Variants in ZNRF3 observed in about 807,000 individuals in gnomAD.
The protein encoded by ZNRF3 is E3 ubiquitin-protein ligase ZNRF3.
In ZNRF3, 23 loss-of-function variants were observed where a neutral mutation model predicts 72.5. The ratio of observed to expected loss-of-function variants is 0.32; its 90% confidence interval spans 0.23 to 0.45. The LOEUF (loss-of-function observed/expected upper bound fraction) is 0.45. ZNRF3 is among the 20% of genes least tolerant of loss of function. The probability of loss-of-function intolerance (pLI) is 1.00; values close to 1 mark genes in which losing one functional copy is unlikely to be tolerated. For missense variants in ZNRF3, 1,169 were observed against 1,272.1 expected (o/e 0.92, Z 1.23); for synonymous variants, 610 against 545.3 (o/e 1.12, Z -1.65).
intron 1 of ZNRF3, chr22:28,917,341 C>T: frequency 3.7e-6 from 3 of 808,962 alleles, no homozygotes; most frequent in Non-Finnish European, 4.5e-6. Flanking sequence ...GAAGCCCATT[C>T]TGATCTAACT....
chr22:28,952,499 T>TG (rs1555973243), intron 1 of ZNRF3, among the ~76,000 whole-genome samples: 3 of 151,694 alleles, frequency 2.0e-5, no homozygotes, highest in African/African-American at 4.8e-5. Context: ...TTCCATGTTT[T>TG]TTTTTTTTTT....
At chr22:29,015,449 C>T (rs1305858422) in intron 2 of ZNRF3, among the ~76,000 whole-genome samples, 1 of 152,132 alleles carries the variant, frequency 6.6e-6, no homozygotes, top group Non-Finnish European at 1.5e-5. Flanking sequence ...GTGGGCAGAT[C>T]ACCTGAGGTC....
At position 29,050,553 on chromosome 22, in the gene ZNRF3, G is replaced by T. The variant is rs770423165; in HGVS notation, c.2372G>T (p.Gly791Val). The change falls in exon 8 of 9, where the codon GGC becomes GTC. Residue 791 changes from glycine (G) to valine (V), a missense_variant. Physicochemically the swap from Gly to Val is moderately radical, Grantham distance 109 (BLOSUM62 -3). Around this residue, in one of 2 missense-constraint regions of ZNRF3, gnomAD observed 783 missense variants for 731.4 expected, o/e 1.07. Coordinates refer to ENST00000544604, the MANE Select transcript of ZNRF3 (RefSeq NM_001206998.2). The part of the protein sequence containing the change: ...FYEEKQVARG[G>V]GGGSGCYTED... The stretch of plus-strand genomic sequence containing the variant: ...GAAGAGAAGCAGGTGGCCCGCGGGG[G>T]CGGAGGGGGCAGCGGCTGCTACACT... 2 of 1,610,238 alleles carry T rather than the reference G, an allele frequency of 1.2e-6. No individual in the cohort carries two copies. Among genetic ancestry groups the T allele is most frequent in the East Asian group, 2.2e-5 (1 of 44,714 alleles).
At chr22:28,955,032 G>GTTTTTTTTTTTTTTTTTTTTTTT (rs372334361) in intron 1 of ZNRF3, among the ~76,000 whole-genome samples, 3 of 137,168 alleles carry the variant, frequency 2.2e-5, no homozygotes, top group Non-Finnish European at 3.1e-5. Flanking sequence ...TATTTTTGGT[G>GTTTTTTTTTTTTTTTTTTTTTTT]TTTTTTTTTT....
intron 2 of ZNRF3, among the ~76,000 whole-genome samples, chr22:28,991,417 A>G (rs1383781442): frequency 6.6e-6 from 1 of 151,716 alleles, no homozygotes; most frequent in Admixed American, 6.6e-5. Flanking sequence ...CATGTCACAG[A>G]GACCCAGCCT....
At chr22:28,896,301 A>AT (rs1362816434) in intron 1 of ZNRF3, among the ~76,000 whole-genome samples, 1 of 151,104 alleles carries the variant, frequency 6.6e-6, no homozygotes, top group Admixed American at 6.6e-5. Flanking sequence ...CGCCTGGCTA[A>AT]TTTTTGTATT....
chr22:29,045,382 A>G (rs1030052094), intron 5 of ZNRF3, among the ~76,000 whole-genome samples: 5 of 146,524 alleles, frequency 3.4e-5, no homozygotes, highest in East Asian at 2.1e-4. Flanking sequence ...AAAAAAAAAA[A>G]GATCAAAACT....
chr22:28,925,918 T>C (rs1477979204), intron 1 of ZNRF3, among the ~76,000 whole-genome samples: 7 of 152,108 alleles, frequency 4.6e-5, no homozygotes, highest in Admixed American at 2.0e-4. Context: ...TAGATCCAGG[T>C]CTCCCCTTCT....
At chr22:28,974,212 C>T (rs1375811700) in intron 1 of ZNRF3, among the ~76,000 whole-genome samples, 6 of 152,068 alleles carry the variant, frequency 3.9e-5, no homozygotes, top group South Asian at 4.1e-4. Flanking sequence ...CCGCCTGCCT[C>T]GGACTCCCAA....
chr22:29,030,661 C>T lies in ZNRF3; in HGVS notation c.427-11834C>T, dbSNP rs2036729199. ...GGCACTTTCCCGGGTCGGAGAAGGCCGGATGGCAGCCCGCCCCGAAAGTCC... is the reference window on the plus strand; with the variant it reads ...GGCACTTTCCCGGGTCGGAGAAGGCTGGATGGCAGCCCGCCCCGAAAGTCC... On this transcript the variant is annotated intron_variant, in intron 2 of 8. Transcript: ENST00000544604. This position sits in a 1 kb window ranked among gnomAD's most constrained non-coding sequence, Gnocchi z 4.2. Among the ~76,000 whole-genome samples, 1 of 134,356 alleles carries T rather than the reference C, an allele frequency of 7.4e-6. No homozygotes were observed. The highest frequency in any genetic ancestry group is 8.2e-5 in the Admixed American group (1 of 12,170). The allele number at this position is 134,356 out of a possible 152,430, so 88.1% of individuals were successfully genotyped here. A position where few individuals can be genotyped will look rare whatever the true frequency, so the allele number is the denominator to read the frequency against.
chr22:28,934,367 C>T (rs1443905023), intron 1 of ZNRF3, among the ~76,000 whole-genome samples: 1 of 152,204 alleles, frequency 6.6e-6, no homozygotes, highest in Admixed American at 6.5e-5. Flanking sequence ...CATTGATAGC[C>T]ATCGCTCAAC....
intron 2 of ZNRF3, among the ~76,000 whole-genome samples, chr22:29,034,493 G>A (rs547019695): frequency 6.6e-6 from 1 of 152,268 alleles, no homozygotes; most frequent in East Asian, 1.9e-4. Context: ...TCCATGGAAG[G>A]GAGAGTGTTA....
rs896966429 is a variant in ZNRF3, at chr22:28,887,247, T to A, written c.300+3181T>A. On this transcript the variant is annotated intron_variant, in intron 1 of 8. Coordinates refer to ENST00000544604, the MANE Select transcript of ZNRF3 (RefSeq NM_001206998.2). ...GAGAGAGAGAGAGAGTGTGTGTGTG[T>A]GTGTGTGTGTGTGTGTGTGTGTGTA... 5.3e-5 allele frequency among the ~76,000 whole-genome samples: 8 copies of A among 151,682 alleles called. No individual in the cohort carries two copies. In the East Asian group the frequency reaches 9.7e-4, roughly 18 times the overall value.
chr22:28,893,542 G>T (rs1332634076), intron 1 of ZNRF3, among the ~76,000 whole-genome samples: 6 of 150,802 alleles, frequency 4.0e-5, no homozygotes, highest in African/African-American at 1.5e-4. Flanking sequence ...CTATCGCCCA[G>T]GCTGGAGTGC....
intron 2 of ZNRF3, among the ~76,000 whole-genome samples, chr22:29,020,249 CTTTT>C (rs756716817): frequency 5.4e-5 from 5 of 91,770 alleles, no homozygotes; most frequent in African/African-American, 8.7e-5. Context: ...CACAACCATC[CTTTT>C]TTTTTTTTTT....
intron 1 of ZNRF3, among the ~76,000 whole-genome samples, chr22:28,902,096 C>A (rs1161047771): frequency 6.6e-6 from 1 of 150,748 alleles, no homozygotes; most frequent in Non-Finnish European, 1.5e-5. Flanking sequence ...ACCACCATGC[C>A]CAGTGAATGT....
chr22:28,976,130 C>A (rs1161633135), intron 1 of ZNRF3, among the ~76,000 whole-genome samples: 10 of 152,086 alleles, frequency 6.6e-5, no homozygotes, highest in Non-Finnish European at 8.8e-5. Flanking sequence ...ACTAATTTTC[C>A]TAAAGGAATT....
Position 28,883,843 on chromosome 22 carries a change from T to C in ZNRF3, c.77T>C (p.Leu26Pro). The stretch of plus-strand genomic sequence containing the variant: ...CGCCTGCGCCGCCGCCCCCGCGGCC[T>C]CCGGTGCAGCCGCCTGCCGCCGCCG... ...RRRLRRRPRG[L>P]RCSRLPPPPP... Residue 26 changes from leucine to proline, a missense_variant, in exon 1 of 9, where the codon CTC becomes CCC. Leu to Pro is a moderately conservative substitution (Grantham distance 98). Transcript: ENST00000544604. This position sits in a 1 kb window ranked among gnomAD's most constrained non-coding sequence, Gnocchi z 5.5. 2.3e-5 allele frequency: 23 copies of C among 980,204 alleles called. No homozygotes were observed. Among genetic ancestry groups the C allele is most frequent in the Non-Finnish European group, 2.8e-5 (23 of 829,160 alleles). 60.7% of individuals were successfully genotyped at this position (980,204 alleles called of 1,614,324 possible). A position where few individuals can be genotyped will look rare whatever the true frequency, so the allele number is the denominator to read the frequency against.
At chr22:29,039,867 G>A (rs1479374805) in intron 2 of ZNRF3, among the ~76,000 whole-genome samples, 2 of 152,008 alleles carry the variant, frequency 1.3e-5, no homozygotes, top group Non-Finnish European at 2.9e-5. Flanking sequence ...GCTGAGGCAG[G>A]AGGATCATTC....
Sources: allele counts gnomAD v4.1 joint callset (sites outside exome capture counted in the v4.1 genomes callset), GRCh38; gene constraint gnomAD v4.1.1; regional missense constraint gnomAD v4.1.1; non-coding constraint Gnocchi (gnomAD v3.1); transcripts MANE v1.5; gene names NCBI Gene and HGNC (gene_info 2026-07-23, HGNC 2026-07-21).